Variants in PBRM1 observed in about 807,000 individuals in gnomAD.
The protein encoded by PBRM1 is polybromo 1.
A neutral mutation model predicts 194.5 loss-of-function variants in PBRM1; 27 were observed. The observed-to-expected ratio is 0.14, with a 90% confidence interval of 0.10 to 0.19. PBRM1 has a LOEUF of 0.19. PBRM1 is among the 10% of genes least tolerant of loss of function. PBRM1 has a pLI of 1.00. For synonymous variants in PBRM1, 655 were observed against 693.2 expected, an observed-to-expected ratio of 0.94 and a Z score of 0.87; for missense variants, 1,466 against 2,077.2, an observed-to-expected ratio of 0.71 and a Z score of 5.72.
At chr3:52,600,533 T>A (rs1460986490) in intron 17 of PBRM1, among the ~76,000 whole-genome samples, 1 of 152,228 alleles carries the variant, frequency 6.6e-6, no homozygotes, top group African/African-American at 2.4e-5. Flanking sequence ...TTTCATGATG[T>A]CTATTTGATA....
intron 5 of PBRM1, among the ~76,000 whole-genome samples, chr3:52,656,851 C>T (rs530456855): frequency 2.6e-5 from 4 of 152,146 alleles, no homozygotes; most frequent in East Asian, 3.9e-4. Context: ...ATCGCTTGAG[C>T]CCAGAAGTTT....
intron 5 of PBRM1, among the ~76,000 whole-genome samples, chr3:52,652,992 C>T (rs1028484117): frequency 2.0e-5 from 3 of 151,990 alleles, no homozygotes; most frequent in Non-Finnish European, 4.4e-5. Context: ...AGCAAGATTC[C>T]GTCTCAAAAA....
chr3:52,668,393 CA>C, intron 3 of PBRM1, 104 bp downstream of exon 4: 3 of 743,600 alleles, frequency 4.0e-6, no homozygotes, highest in Non-Finnish European at 4.3e-6. Flanking sequence ...ACTCAAGCCA[CA>C]AAAAGAAACT....
At chr3:52,548,015 G>T in exon 30 of PBRM1, 1 of 1,520,194 alleles carries the variant, frequency 6.6e-7, no homozygotes, top group South Asian at 1.2e-5. Context: ...AATGGCTACT[G>T]ATCCACAACT....
At chr3:52,653,599 AAAAAG>A (rs1257055323) in intron 5 of PBRM1, among the ~76,000 whole-genome samples, 3 of 147,736 alleles carry the variant, frequency 2.0e-5, no homozygotes, top group Admixed American at 6.7e-5. Flanking sequence ...CAAAAAAAAA[AAAAAG>A]AAAGAAAGAA....
intron 4 of PBRM1, among the ~76,000 whole-genome samples, chr3:52,661,585 G>A (rs942531472): frequency 1.3e-5 from 2 of 152,140 alleles, no homozygotes; most frequent in Non-Finnish European, 2.9e-5. Flanking sequence ...AGGGTGGTCA[G>A]GAAAGTCCTG....
At chr3:52,557,898 G>T (rs1274272597) in intron 26 of PBRM1, among the ~76,000 whole-genome samples, 1 of 152,190 alleles carries the variant, frequency 6.6e-6, no homozygotes, top group Non-Finnish European at 1.5e-5. Flanking sequence ...GACTAGTTTT[G>T]TGTTTTCTCT....
At chr3:52,642,122 T>C in intron 9 of PBRM1, 77 bp from the exon 11 acceptor site, 1 of 788,638 alleles carries the variant, frequency 1.3e-6, no homozygotes, top group Admixed American at 2.1e-5. Flanking sequence ...ACAGGAACTA[T>C]TAACAAAGTG....
At chr3:52,679,377 T>C (rs766136419) in intron 1 of PBRM1, among the ~76,000 whole-genome samples, 197 bp downstream of exon 2, 2 of 152,258 alleles carry the variant, frequency 1.3e-5, no homozygotes, top group African/African-American at 2.4e-5. Flanking sequence ...TGATGTAACA[T>C]ACTGAAATTA....
At chr3:52,681,224 G>C (rs982984253), upstream of PBRM1, 1 of 151,860 alleles carries the variant, frequency 6.6e-6, no homozygotes, top group African/African-American at 2.4e-5. Context: ...AAAGGTTGGG[G>C]ATCTCCAGGA....
At chr3:52,664,573 T>C (rs746325572) in intron 3 of PBRM1, among the ~76,000 whole-genome samples, 124 of 151,324 alleles carry the variant, frequency 8.2e-4, no homozygotes, top group Middle Eastern at 3.4e-3. Flanking sequence ...CTGTCTCTAC[T>C]AAAATACAAA....
chr3:52,548,227 G>A (rs1163354335), exon 30 of PBRM1: 13 of 1,569,576 alleles, frequency 8.3e-6, no homozygotes, highest in South Asian at 3.6e-5. Context: ...TGGACGTCGC[G>A]TCTTCGAGCT....
At position 52,641,740 on chromosome 3, in the gene PBRM1, T is replaced by G. The variant is rs577843800; in HGVS notation, c.1087+214A>C. Among the ~76,000 whole-genome samples the G allele has an allele frequency of 3.3e-5, 5 of 152,288 alleles. 1 individual carries two copies. In the South Asian group the frequency reaches 1.0e-3, roughly 32 times the overall value. ...AGGATCTGCTAAGTTATCAATTATT[T>G]TTGCAGAAGTATTATTTACCCAAAT... On this transcript the variant is annotated intron_variant, in intron 10 of 29. Transcript: ENST00000296302.
intron 2 of PBRM1, among the ~76,000 whole-genome samples, chr3:52,678,143 GTTT>G (rs1368561088): frequency 4.6e-5 from 7 of 151,288 alleles, no homozygotes; most frequent in Admixed American, 2.0e-4. Flanking sequence ...TTTTGTTTTT[GTTT>G]TTAAGAGACG....
intron 13 of PBRM1, among the ~76,000 whole-genome samples, chr3:52,619,280 C>G (rs924799448): frequency 6.6e-6 from 1 of 152,166 alleles, no homozygotes; most frequent in Non-Finnish European, 1.5e-5. Flanking sequence ...TTCAGGATCT[C>G]CCTTGTATAC....
At chr3:52,612,861 G>A (rs552832858) in intron 15 of PBRM1, among the ~76,000 whole-genome samples, 4 of 148,336 alleles carry the variant, frequency 2.7e-5, no homozygotes, top group South Asian at 4.2e-4. Context: ...AGCCGAGATC[G>A]TGCCACTGCA....
At chr3:52,662,313 G>C (rs2153931313) in intron 3 of PBRM1, 37 bp from the exon 5 acceptor site, 1 of 1,540,680 alleles carries the variant, frequency 6.5e-7, no homozygotes. Context: ...AAACACTTTA[G>C]TAATGTATTG....
downstream of PBRM1, chr3:52,546,635 A>C: frequency 4.3e-6 from 1 of 232,038 alleles, no homozygotes; most frequent in African/African-American, 2.2e-5. Context: ...CAGCAGTGGA[A>C]GCTCTACCAC....
chr3:52,637,444 C>A (rs2095863474), intron 10 of PBRM1, among the ~76,000 whole-genome samples: 1 of 151,940 alleles, frequency 6.6e-6, no homozygotes, highest in African/African-American at 2.4e-5. Context: ...CCAGTATGGG[C>A]AAAATGATGA....
Sources: gnomAD v4.1 joint callset for allele counts (sites outside exome capture counted in the v4.1 genomes callset) on GRCh38, gnomAD v4.1.1 for gene constraint, MANE v1.5 for transcripts, NCBI Gene and HGNC (gene_info 2026-07-23, HGNC 2026-07-21) for gene names.